Variants in ZDHHC11 observed in about 807,000 individuals in gnomAD.
The protein encoded by ZDHHC11 is zDHHC palmitoyltransferase 11, also known as palmitoyltransferase ZDHHC11.
In ZDHHC11, 44 loss-of-function variants were observed where a neutral mutation model predicts 51.3. That is an observed-to-expected ratio of 0.86 (90% confidence interval 0.67 to 1.10). The LOEUF (loss-of-function observed/expected upper bound fraction) is 1.10, where lower values mean the gene tolerates loss of function less well. Among genes scored for constraint, ZDHHC11 ranks in the 50% least tolerant of loss-of-function variants. ZDHHC11 has a pLI of 0.00. For missense variants in ZDHHC11, 400 were observed against 537.7 expected, an observed-to-expected ratio of 0.74 and a Z score of 2.53; for synonymous variants, 163 against 222.0, an observed-to-expected ratio of 0.73 and a Z score of 2.36.
rs561047169 is a variant in ZDHHC11 at position 840,661 on chromosome 5, A to G, written c.629-11T>C. The G allele has an allele frequency of 6.2e-7, 1 of 1,613,594 alleles. No individual in the cohort carries two copies. The highest frequency in any genetic ancestry group is 2.2e-5 in the East Asian group (1 of 44,890). On this transcript the variant is annotated splice_polypyrimidine_tract_variant and intron_variant, in intron 4 of 12. Coordinates refer to ENST00000283441, the MANE Select transcript of ZDHHC11 (RefSeq NM_024786.3). ...TCATATTCTTGACATCTGGGGAGAC[A>G]AGGGAGAGCCACTGTGTCCAGCACC...
rs560052365 is a variant in ZDHHC11, at chr5:814,589, G to C, written c.1181+172C>G. Reference sequence around the variant, plus strand: ...ATTCTATAATTTTTTCAAGTAAGATGAGTGCAATAAGCCACATGAATGGCT... The same window carrying C: ...ATTCTATAATTTTTTCAAGTAAGATCAGTGCAATAAGCCACATGAATGGCT... On this transcript the variant is annotated intron_variant, in intron 11 of 12. Transcript: ENST00000283441. Among the ~76,000 whole-genome samples, 174 of 151,662 alleles carry C rather than the reference G, an allele frequency of 1.1e-3. 4 individuals are homozygous for C. The highest frequency in any genetic ancestry group is 3.4e-3 in the African/African-American group (140 of 41,412).
At chr5:797,623 GT>G (rs1406512178) in intron 12 of ZDHHC11, among the ~76,000 whole-genome samples, 1 of 151,212 alleles carries the variant, frequency 6.6e-6, no homozygotes, top group Admixed American at 6.6e-5. Context: ...TTTATTTGGT[GT>G]TTTTCCATAT....
intron 12 of ZDHHC11, among the ~76,000 whole-genome samples, chr5:799,283 T>C (rs1376635641): frequency 2.0e-5 from 3 of 151,490 alleles, no homozygotes; most frequent in Non-Finnish European, 4.4e-5. Flanking sequence ...TCTCTCTCCA[T>C]GTGATCTCTG....
At chr5:834,672 A>T (rs1743569739) in intron 6 of ZDHHC11, among the ~76,000 whole-genome samples, 1 of 152,304 alleles carries the variant, frequency 6.6e-6, no homozygotes, top group Non-Finnish European at 1.5e-5. Flanking sequence ...TGCACTTCAC[A>T]GATACTGTGT....
intron 9 of ZDHHC11, among the ~76,000 whole-genome samples, chr5:820,601 C>T (rs1471796841): frequency 1.3e-5 from 2 of 151,098 alleles, no homozygotes; most frequent in African/African-American, 4.9e-5. Flanking sequence ...CTGCACTCCA[C>T]TTTCTGGCCA....
At chr5:798,325 T>C (rs1472795374) in intron 12 of ZDHHC11, among the ~76,000 whole-genome samples, 13 of 151,006 alleles carry the variant, frequency 8.6e-5, no homozygotes, top group Non-Finnish European at 1.8e-4. Context: ...CCTTCAACCA[T>C]GGCCTGAGAA....
At chr5:850,316 C>T (rs1482965595) in intron 1 of ZDHHC11, 65 bp downstream of exon 1, 7 of 1,549,744 alleles carry the variant, frequency 4.5e-6, no homozygotes, top group Non-Finnish European at 5.3e-6. Context: ...ACCCCACAGC[C>T]AGGTCCATCG....
Position 827,732 on chromosome 5 carries a change from T to A in ZDHHC11, c.936-2481A>T, listed in dbSNP as rs528612937. ...AATGAGGGACCTGCCAAATTTATTT[T>A]TTTTTATTCTTTATTTTTTTTTTTT... On this transcript the variant is annotated intron_variant, in intron 7 of 12. Transcript: ENST00000283441. Among the ~76,000 whole-genome samples the A allele has an allele frequency of 4.3e-4, 65 of 150,922 alleles. 3 individuals carry two copies. Among genetic ancestry groups the A allele is most frequent in the African/African-American group, 1.3e-3 (51 of 40,708 alleles).
intron 11 of ZDHHC11, among the ~76,000 whole-genome samples, chr5:808,194 G>A (rs1477406274): frequency 2.0e-5 from 3 of 150,820 alleles, no homozygotes; most frequent in African/African-American, 7.3e-5. Context: ...GATGGGAGGG[G>A]TCAAGTTGCG....
At chr5:816,629 G>A in intron 10 of ZDHHC11, 2 of 627,816 alleles carry the variant, frequency 3.2e-6, no homozygotes, top group Admixed American at 1.8e-5. Context: ...CTTTGCCATA[G>A]TGGCTGTGAT....
intron 12 of ZDHHC11, among the ~76,000 whole-genome samples, chr5:797,193 C>T (rs1424991489): frequency 9.7e-4 from 146 of 150,044 alleles, no homozygotes; most frequent in Non-Finnish European, 1.7e-3. Context: ...GGTGACACAG[C>T]GAGACTCTGT....
At chr5:816,928 A>T (rs1239100546) in intron 10 of ZDHHC11, 1 of 391,970 alleles carries the variant, frequency 2.6e-6, no homozygotes, top group Non-Finnish European at 5.0e-6. Flanking sequence ...CCAGTGGGAG[A>T]CTGGTCATGG....
intron 12 of ZDHHC11, among the ~76,000 whole-genome samples, chr5:799,296 CAT>C (rs1395391169): frequency 1.3e-5 from 2 of 151,630 alleles, no homozygotes; most frequent in South Asian, 4.2e-4. Context: ...GATCTCTGCA[CAT>C]GTCAGCTCCC....
intron 9 of ZDHHC11, among the ~76,000 whole-genome samples, chr5:820,896 G>A (rs981711109): frequency 1.2e-4 from 18 of 151,276 alleles, no homozygotes; most frequent in Admixed American, 1.2e-3. Context: ...GCACCTCCAG[G>A]ACACAGACCC....
At position 819,820 on chromosome 5, in the gene ZDHHC11, C is replaced by A. The variant is rs538500987; in HGVS notation, c.1059-208G>T. Among the ~76,000 whole-genome samples the A allele has an allele frequency of 6.7e-4, 102 of 151,302 alleles. 4 individuals are homozygous for A. The highest frequency in any genetic ancestry group is 2.4e-3 in the African/African-American group (101 of 41,322). Reference sequence around the variant, plus strand: ...CAGAAGGAGCTTCTCGTGTAAAGGACCAGGACTCCTTCCCACTTGGATTCT... The same window carrying A: ...CAGAAGGAGCTTCTCGTGTAAAGGAACAGGACTCCTTCCCACTTGGATTCT... On this transcript the variant is annotated intron_variant, in intron 9 of 12. Coordinates refer to ENST00000283441, the MANE Select transcript of ZDHHC11 (RefSeq NM_024786.3).
intron 8 of ZDHHC11, chr5:823,384 C>T (rs2150340644): frequency 6.6e-6 from 1 of 151,380 alleles, no homozygotes; most frequent in East Asian, 1.9e-4. Flanking sequence ...TCCCCATTGC[C>T]TCACCTTGGC....
At chr5:801,611 T>C (rs2150281134) in intron 11 of ZDHHC11, among the ~76,000 whole-genome samples, 1 of 151,416 alleles carries the variant, frequency 6.6e-6, no homozygotes, top group East Asian at 1.9e-4. Flanking sequence ...TACAGGTGTT[T>C]TGTTCTCTGC....
chr5:804,082 A>G (rs534881722), intron 11 of ZDHHC11, among the ~76,000 whole-genome samples: 57 of 151,406 alleles, frequency 3.8e-4, no homozygotes, highest in African/African-American at 1.3e-3. Context: ...CAGAAAAAAT[A>G]CAGTGTTCGC....
intron 2 of ZDHHC11, chr5:847,923 G>A (rs1746514863): frequency 1.9e-6 from 1 of 529,298 alleles, no homozygotes; most frequent in East Asian, 3.5e-5. Context: ...CCTGGAGGAG[G>A]CCGCGCCTGC....
Sources: allele counts gnomAD v4.1 joint callset (sites outside exome capture counted in the v4.1 genomes callset), GRCh38; gene constraint gnomAD v4.1.1; transcripts MANE v1.5; gene names NCBI Gene and HGNC (gene_info 2026-07-23, HGNC 2026-07-21).